The following RBL1 variants were observed in gnomAD, a reference collection of about 807,000 sequenced individuals.
RBL1 encodes the protein retinoblastoma-like protein 1.
In RBL1, 82 loss-of-function variants were observed where a neutral mutation model predicts 123.0. The ratio of observed to expected loss-of-function variants is 0.67; its 90% CI spans 0.56 to 0.80. The LOEUF (loss-of-function observed/expected upper bound fraction) is 0.80, where lower values mean the gene tolerates loss of function less well. Among genes scored for constraint, RBL1 ranks in the 30% least tolerant of loss-of-function variants. The pLI is 0.00. For synonymous variants in RBL1, 405 were observed against 441.3 expected, an observed-to-expected ratio of 0.92 and a Z score of 1.03; for missense variants, 1,171 against 1,299.6, an observed-to-expected ratio of 0.90 and a Z score of 1.52.
intron 12 of RBL1, among the ~76,000 whole-genome samples, chr20:37,046,571 T>C (rs1376702441): frequency 1.3e-5 from 2 of 151,958 alleles, no homozygotes; most frequent in African/African-American, 4.8e-5. Context: ...CAACTCTCTC[T>C]TGTGTTCTTG....
intron 19 of RBL1, among the ~76,000 whole-genome samples, chr20:37,012,787 T>TG (rs1241757604): frequency 2.4e-4 from 29 of 120,430 alleles, no homozygotes; most frequent in Admixed American, 1.5e-3. Context: ...GGGAGGGAGG[T>TG]GGGGGGGTCA....
chr20:37,090,170 T>C (rs1485812665), intron 1 of RBL1, among the ~76,000 whole-genome samples: 1 of 152,206 alleles, frequency 6.6e-6, no homozygotes, highest in Non-Finnish European at 1.5e-5. Flanking sequence ...TAGTTGCCTA[T>C]AGTGTTCAGT....
intron 7 of RBL1, among the ~76,000 whole-genome samples, 191 bp from the exon 8 acceptor site, chr20:37,062,461 T>C (rs915180862): frequency 6.6e-6 from 1 of 152,078 alleles, no homozygotes; most frequent in Non-Finnish European, 1.5e-5. Flanking sequence ...ATACAACCAA[T>C]AAATTACTTT....
intron 7 of RBL1, among the ~76,000 whole-genome samples, chr20:37,064,340 T>C (rs1186583500): frequency 6.6e-6 from 1 of 151,354 alleles, no homozygotes; most frequent in East Asian, 2.0e-4. Context: ...GTTTCACCAT[T>C]TTGGCCAGGA....
chr20:37,089,157 A>G lies in RBL1; in HGVS notation c.157-35T>C, dbSNP rs1001232964. On this transcript the variant is annotated intron_variant, in intron 1 of 21. Transcript: ENST00000373664. The stretch of plus-strand genomic sequence containing the variant: ...AAAAGACAAACAGCAAAACAGGTAT[A>G]ATATTATGTTAAAATGCTTTAATTC... 6 of 1,544,948 alleles carry G rather than the reference A, an allele frequency of 3.9e-6. No homozygotes were observed. The African/African-American group carries it at 6.9e-5, about 18-fold the overall frequency.
intron 21 of RBL1, among the ~76,000 whole-genome samples, chr20:37,001,236 G>A (rs971710624): frequency 5.9e-5 from 9 of 151,858 alleles, no homozygotes; most frequent in African/African-American, 1.5e-4. Flanking sequence ...CCCTCTGCCC[G>A]GCCACCACCC....
chr20:37,056,820 T>C (rs1568864351), intron 9 of RBL1, among the ~76,000 whole-genome samples: 3 of 152,224 alleles, frequency 2.0e-5, no homozygotes, highest in Admixed American at 6.5e-5. Flanking sequence ...TGCTGTAAGT[T>C]TGACTATACT....
intron 16 of RBL1, among the ~76,000 whole-genome samples, chr20:37,024,795 A>G (rs1277319313): frequency 1.3e-5 from 2 of 152,192 alleles, no homozygotes; most frequent in African/African-American, 4.8e-5. Flanking sequence ...TTTGAAAATT[A>G]AAAATGGTAA....
At chr20:37,012,204 G>C (rs998496756) in intron 19 of RBL1, among the ~76,000 whole-genome samples, 3 of 152,218 alleles carry the variant, frequency 2.0e-5, no homozygotes, top group African/African-American at 7.2e-5. Flanking sequence ...GCGTGATCTC[G>C]GCTCGCTACA....
Position 37,068,176 on chromosome 20 carries a change from A to T in RBL1, c.301T>A (p.Phe101Ile), listed in dbSNP as rs1215725178. 1.3e-6 allele frequency: 2 copies of T among 1,576,050 alleles called. No individual in the cohort carries two copies. Among genetic ancestry groups the T allele is most frequent in the Non-Finnish European group, 1.7e-6 (2 of 1,165,834 alleles). ...LRSAKLSLIQ[F>I]FSKMKKWMDM... ...ATCCATTTCTTCATTTTACTAAAAA[A>T]TTGTATTAAACTAAAAAAAAAAAGG... Residue 101 changes from phenylalanine to isoleucine, a missense_variant, in exon 3 of 22, where the codon TTT becomes ATT. Transcript: ENST00000373664.
chr20:37,060,785 A>G (rs2065081686), intron 9 of RBL1, among the ~76,000 whole-genome samples: 1 of 152,006 alleles, frequency 6.6e-6, no homozygotes, highest in Admixed American at 6.6e-5. Context: ...CCTGTCTCAA[A>G]AAAAAAACAA....
rs28888690 is a variant in RBL1 at position 37,027,035 on chromosome 20, A to C, written c.2383-4209T>G. On this transcript the variant is annotated intron_variant, in intron 16 of 21. Transcript: ENST00000373664. The stretch of plus-strand genomic sequence containing the variant: ...CAACAAAAAAAAACAACAAAAAAAA[A>C]CCAAAAAATTATTACAAGAACAATT... 5.4e-3 allele frequency among the ~76,000 whole-genome samples: 813 copies of C among 151,160 alleles called. 10 individuals carry two copies. The highest frequency in any genetic ancestry group is 0.014 in the African/African-American group (587 of 41,176).
At chr20:37,009,841 T>G (rs184669133) in intron 19 of RBL1, among the ~76,000 whole-genome samples, 1 of 152,104 alleles carries the variant, frequency 6.6e-6, no homozygotes, top group East Asian at 1.9e-4. Flanking sequence ...AAACCCTGTC[T>G]CTATAAAAAT....
At chr20:37,019,018 C>T (rs764308283) in intron 18 of RBL1, among the ~76,000 whole-genome samples, 1 of 151,910 alleles carries the variant, frequency 6.6e-6, no homozygotes, top group Non-Finnish European at 1.5e-5. Context: ...CTTCTTAATT[C>T]CTTACACAAC....
chr20:37,081,818 T>C (rs765960826), intron 2 of RBL1: 3 of 346,070 alleles, frequency 8.7e-6, no homozygotes, highest in Non-Finnish European at 1.7e-5. Context: ...AAGTGTGGAA[T>C]TGGTTGCTTG....
intron 2 of RBL1, among the ~76,000 whole-genome samples, chr20:37,076,338 A>G (rs2065363387): frequency 6.6e-6 from 1 of 152,214 alleles, no homozygotes; most frequent in Admixed American, 6.5e-5. Context: ...ATAAAATAGA[A>G]CAATTATAAC....
Position 37,067,003 on chromosome 20 carries a change from T to C in RBL1, c.675A>G (p.Pro225=). Residue 225 remains proline (P), a synonymous_variant, in exon 5 of 22, where the codon CCA becomes CCG. Transcript: ENST00000373664. The part of the protein sequence containing the change: ...MCPNRQDLLN[P]SFKGLPSDFH... ...AATAAAAGGTCTTACCTTTAAATGATGGATTTAGCAAGTCTTGTCTATTTG... is the reference window on the plus strand; with the variant it reads ...AATAAAAGGTCTTACCTTTAAATGACGGATTTAGCAAGTCTTGTCTATTTG... 6.2e-7 allele frequency: 1 copy of C among 1,607,422 alleles called. No homozygotes were observed. Among genetic ancestry groups the C allele is most frequent in the Non-Finnish European group, 8.5e-7 (1 of 1,176,158 alleles).
rs2065102374 is a variant in RBL1 at position 37,062,000 on chromosome 20, T to C, written c.1083+84A>G. The C allele has an allele frequency of 8.8e-6, 12 of 1,361,382 alleles. No individual in the cohort carries two copies. The Admixed American group carries it at 2.1e-4, about 24-fold the overall frequency. 84.3% of individuals were successfully genotyped at this position (1,361,382 alleles called of 1,614,324 possible). On this transcript the variant is annotated intron_variant, in intron 8 of 21. Transcript: ENST00000373664. The stretch of plus-strand genomic sequence containing the variant: ...TAGTAGAAGAAGCTCAAGATTTAAC[T>C]TGAAAGATGCTTCTGCTGTTAGTAG...
chr20:37,007,907 T>C (rs1039572404), intron 19 of RBL1, among the ~76,000 whole-genome samples: 1 of 152,108 alleles, frequency 6.6e-6, no homozygotes, highest in Non-Finnish European at 1.5e-5. Flanking sequence ...CATACTTTAA[T>C]ATACAAGTTG....
Sources: gnomAD v4.1 joint callset for allele counts (sites outside exome capture counted in the v4.1 genomes callset) on GRCh38, gnomAD v4.1.1 for gene constraint, MANE v1.5 for transcripts, NCBI Gene and HGNC (gene_info 2026-07-23, HGNC 2026-07-21) for gene names.